The following SLC6A9 variants were observed in gnomAD, a reference collection of about 807,000 sequenced individuals.
SLC6A9 encodes sodium- and chloride-dependent glycine transporter 1.
In SLC6A9, 31 loss-of-function variants were observed where a neutral mutation model predicts 70.9. That is an observed-to-expected ratio of 0.44 (90% CI 0.33 to 0.59). The LOEUF is 0.59. Among genes scored for constraint, SLC6A9 ranks in the 20% least tolerant of loss-of-function variants. The probability of loss-of-function intolerance (pLI) is 0.04; values close to 1 mark genes in which losing one functional copy is unlikely to be tolerated. For missense variants in SLC6A9, 631 were observed against 845.2 expected, an observed-to-expected ratio of 0.75 and a Z score of 3.14; for synonymous variants, 310 against 341.3, an observed-to-expected ratio of 0.91 and a Z score of 1.01.
In SLC6A9 at chr1:44,002,693, T is replaced by C; in HGVS notation, c.724-47A>G. On this transcript the variant is annotated intron_variant, in intron 6 of 13. Coordinates refer to ENST00000372310, the MANE Select transcript of SLC6A9 (RefSeq NM_001024845.3). The surrounding 1 kb of genome is among the most constrained non-coding windows in gnomAD (Gnocchi z 5.5). Reference sequence around the variant, plus strand: ...GACTCTTCTGGGCTCTCCCCTCCCCTGGGCACCACCACCCTGGCTCCCTAA... The same window carrying C: ...GACTCTTCTGGGCTCTCCCCTCCCCCGGGCACCACCACCCTGGCTCCCTAA... 1 of 1,610,748 alleles carries C rather than the reference T, an allele frequency of 6.2e-7. No homozygotes were observed. The highest frequency in any genetic ancestry group is 2.2e-5 in the East Asian group (1 of 44,850).
intron 5 of SLC6A9, among the ~76,000 whole-genome samples, chr1:44,006,419 C>G (rs1391000302): frequency 6.6e-6 from 1 of 151,742 alleles, no homozygotes. Flanking sequence ...GAAACCCTGT[C>G]TCTACTAAAA....
intron 2 of SLC6A9, chr1:44,016,692 A>G (rs2086755682): frequency 5.2e-6 from 1 of 190,876 alleles, no homozygotes; most frequent in Non-Finnish European, 1.1e-5. Context: ...GCCGTGGCAC[A>G]GACAATGAGG....
At chr1:44,008,652 GC>G (rs1430551197) in intron 4 of SLC6A9, 29 bp from the exon 5 acceptor site, 8 of 1,595,096 alleles carry the variant, frequency 5.0e-6, no homozygotes, top group Non-Finnish European at 4.3e-6. Flanking sequence ...GGGGGGAGGA[GC>G]CTCAGCATCC....
rs773011629 is a variant in SLC6A9, at chr1:44,001,311, G to A, written c.1201-13C>T. On this transcript the variant is annotated splice_polypyrimidine_tract_variant and intron_variant, in intron 9 of 13. Transcript: ENST00000372310. Reference sequence around the variant, plus strand: ...CCAGGAGGCAGAACTGCAGGATGTGGCTGTCAGATCGGAGACCTGCCCCTT... The same window carrying A: ...CCAGGAGGCAGAACTGCAGGATGTGACTGTCAGATCGGAGACCTGCCCCTT... The A allele has an allele frequency of 1.9e-6, 3 of 1,614,110 alleles. No homozygotes were observed. The highest frequency in any genetic ancestry group is 2.5e-6 in the Non-Finnish European group (3 of 1,180,050).
chr1:44,006,073 G>A (rs544945016), intron 5 of SLC6A9, among the ~76,000 whole-genome samples: 23 of 152,336 alleles, frequency 1.5e-4, no homozygotes, highest in African/African-American at 5.5e-4. Context: ...GAGCATCTGG[G>A]GGTGGGGTTG....
chr1:44,019,663 G>A (rs2086844104), intron 2 of SLC6A9, among the ~76,000 whole-genome samples: 1 of 152,258 alleles, frequency 6.6e-6, no homozygotes, highest in African/African-American at 2.4e-5. Flanking sequence ...GACAGGAGGC[G>A]GCAGCAGCCC....
At chr1:44,001,664 C>T in intron 8 of SLC6A9, 37 bp from the exon 9 acceptor site, 1 of 1,532,450 alleles carries the variant, frequency 6.5e-7, no homozygotes, top group Non-Finnish European at 9.0e-7. Context: ...CTTCCCTCTC[C>T]CCAATTTGGG....
rs936759715 is a variant in SLC6A9, at chr1:44,013,992, G to T, written c.31-3110C>A. On this transcript the variant is annotated intron_variant, in intron 2 of 13. Transcript: ENST00000372310. The surrounding 1 kb of genome is among the most constrained non-coding windows in gnomAD (Gnocchi z 5.3). ...CACTGATATGAACTGTCCCTGCAGT[G>T]GTCATCAGCTGAGGTACCCACGGAA... Among the ~76,000 whole-genome samples, 10 of 152,076 alleles carry T rather than the reference G, an allele frequency of 6.6e-5. No individual in the cohort carries two copies. Among genetic ancestry groups the T allele is most frequent in the African/African-American group, 2.2e-4 (9 of 41,482 alleles).
At chr1:43,998,497 C>G (rs1039581371) in intron 12 of SLC6A9, among the ~76,000 whole-genome samples, 2 of 152,222 alleles carry the variant, frequency 1.3e-5, no homozygotes, top group Admixed American at 6.5e-5. Flanking sequence ...CTGCATCTTC[C>G]TCTGTCAAAC....
intron 1 of SLC6A9, among the ~76,000 whole-genome samples, chr1:44,030,015 T>C (rs1298981722): frequency 1.3e-5 from 2 of 152,190 alleles, no homozygotes; most frequent in African/African-American, 2.4e-5. Context: ...GTGCGGAAGC[T>C]GTCAGCGAGC....
At chr1:44,007,072 T>C (rs1024951736) in intron 5 of SLC6A9, among the ~76,000 whole-genome samples, 8 of 152,176 alleles carry the variant, frequency 5.3e-5, no homozygotes, top group African/African-American at 1.9e-4. Context: ...CAACCCCAGC[T>C]CCAGTTTGCC....
chr1:44,002,596 A>G lies in SLC6A9; in HGVS notation c.774T>C (p.Phe258=), dbSNP rs199861598. 6 of 1,613,980 alleles carry G rather than the reference A, an allele frequency of 3.7e-6. No individual in the cohort carries two copies. Among genetic ancestry groups the G allele is most frequent in the African/African-American group, 1.3e-5 (1 of 74,904 alleles). ...TFPYVVLTIL[F]VRGVTLEGAF... is the part of the protein sequence containing the mutation. Reference sequence around the variant, plus strand: ...CTCCCTCCAGGGTCACTCCGCGGACAAACAGAATGGTCAGCACCACGTAGG... The same window carrying G: ...CTCCCTCCAGGGTCACTCCGCGGACGAACAGAATGGTCAGCACCACGTAGG... The change falls in exon 7 of 14, where the codon TTT becomes TTC. Residue 258 remains phenylalanine, a synonymous_variant. Coordinates refer to ENST00000372310, the MANE Select transcript of SLC6A9 (RefSeq NM_001024845.3). The surrounding 1 kb of genome is among the most constrained non-coding windows in gnomAD (Gnocchi z 5.5).
rs569559446 is a variant in SLC6A9, at chr1:44,013,958, C to T, written c.31-3076G>A. Among the ~76,000 whole-genome samples the T allele has an allele frequency of 9.1e-4, 138 of 152,164 alleles. No individual in the cohort carries two copies. The highest frequency in any genetic ancestry group is 1.7e-3 in the South Asian group (8 of 4,806). The stretch of plus-strand genomic sequence containing the variant: ...AGTTTTTCTTGATCTGCTGGGTGGA[C>T]GGCTGTGTCACTGATATGAACTGTC... On this transcript the variant is annotated intron_variant, in intron 2 of 13. Coordinates refer to ENST00000372310, the MANE Select transcript of SLC6A9 (RefSeq NM_001024845.3). This position sits in a 1 kb window ranked among gnomAD's most constrained non-coding sequence, Gnocchi z 5.3.
chr1:44,010,225 A>C, intron 3 of SLC6A9, 129 bp from the exon 4 acceptor site: 1 of 956,812 alleles, frequency 1.0e-6, no homozygotes, highest in Non-Finnish European at 1.6e-6. Context: ...GCCAGGCTTG[A>C]GCAGGAGCCT....
Position 43,997,432 on chromosome 1 carries a change from C to A in SLC6A9, c.*113G>T. On this transcript the variant is annotated 3_prime_UTR_variant, in exon 14 of 14. Transcript: ENST00000372310. This position sits in a 1 kb window ranked among gnomAD's most constrained non-coding sequence, Gnocchi z 4.4. ...GCAGTGGTGACCAAGGTGACAGCAGCCGTCCTGGCCAGGGCGTGGCAGGGG... is the reference window on the plus strand; with the variant it reads ...GCAGTGGTGACCAAGGTGACAGCAGACGTCCTGGCCAGGGCGTGGCAGGGG... 2.2e-6 allele frequency: 2 copies of A among 892,942 alleles called. No homozygotes were observed. Among genetic ancestry groups the A allele is most frequent in the South Asian group, 1.4e-5 (1 of 69,438 alleles). 55.3% of individuals were successfully genotyped at this position (892,942 alleles called of 1,614,324 possible).
At chr1:44,020,800 A>G (rs57863919) in intron 2 of SLC6A9, among the ~76,000 whole-genome samples, 5,001 of 152,296 alleles carry the variant, frequency 0.033, 284 homozygotes, top group African/African-American at 0.11. Context: ...AAAACATATG[A>G]GAACGCGTCA....
At chr1:44,008,922 G>C (rs541635912) in intron 4 of SLC6A9, among the ~76,000 whole-genome samples, 1 of 150,646 alleles carries the variant, frequency 6.6e-6, no homozygotes, top group Non-Finnish European at 1.5e-5. Context: ...GGGTTTCACT[G>C]TGTTAGCCAG....
chr1:44,027,472 C>T (rs1195289807), intron 1 of SLC6A9, among the ~76,000 whole-genome samples: 1 of 152,142 alleles, frequency 6.6e-6, no homozygotes, highest in African/African-American at 2.4e-5. Flanking sequence ...TGATTCTCTC[C>T]AACAGTTTTC....
chr1:43,998,122 A>G, intron 12 of SLC6A9, 97 bp from the exon 13 acceptor site: 1 of 1,243,106 alleles, frequency 8.0e-7, no homozygotes, highest in Admixed American at 2.4e-5. Flanking sequence ...TGGTTTCCCA[A>G]ACTAGAAAAG....
Sources: allele counts gnomAD v4.1 joint callset (sites outside exome capture counted in the v4.1 genomes callset), GRCh38; gene constraint gnomAD v4.1.1; non-coding constraint Gnocchi (gnomAD v3.1); transcripts MANE v1.5; gene names NCBI Gene and HGNC (gene_info 2026-07-23, HGNC 2026-07-21).